KCNT2: variants seen among roughly 807,000 people sequenced by gnomAD.
KCNT2 encodes potassium channel subfamily T member 2.
Under a neutral mutation model 153.8 loss-of-function variants are expected in KCNT2, and 67 were observed. The observed-to-expected ratio is 0.44, with a 90% CI of 0.36 to 0.53. The LOEUF is 0.53. KCNT2 is among the 20% of genes least tolerant of loss of function. KCNT2 has a pLI of 0.00. For missense variants in KCNT2, 975 were observed against 1,354.8 expected (o/e 0.72, Z 4.40); for synonymous variants, 500 against 458.8 (o/e 1.09, Z -1.15).
intron 1 of KCNT2, among the ~76,000 whole-genome samples, chr1:196,583,695 GA>G (rs1662328303): frequency 6.6e-6 from 1 of 151,626 alleles, no homozygotes. Context: ...GAAGTTTCAA[GA>G]AAGAGGAGGA....
chr1:196,598,274 C>G (rs1664318223), intron 1 of KCNT2, among the ~76,000 whole-genome samples: 1 of 151,844 alleles, frequency 6.6e-6, no homozygotes, highest in African/African-American at 2.4e-5. Context: ...TTATTTTGTT[C>G]CTGGGATACT....
intron 1 of KCNT2, among the ~76,000 whole-genome samples, chr1:196,503,899 A>T (rs559669732): frequency 1.4e-4 from 21 of 152,270 alleles, no homozygotes; most frequent in African/African-American, 5.1e-4. Context: ...AGCTCACTGG[A>T]ACACATGTAT....
intron 8 of KCNT2, among the ~76,000 whole-genome samples, chr1:196,450,238 C>A (rs1271538879): frequency 4.0e-5 from 6 of 151,784 alleles, no homozygotes; most frequent in Admixed American, 3.9e-4. Flanking sequence ...CTCCCACTGC[C>A]CGGTAAAGGT....
chr1:196,234,804 T>C (rs145169201), intron 27 of KCNT2, among the ~76,000 whole-genome samples: 28 of 151,586 alleles, frequency 1.8e-4, no homozygotes, highest in African/African-American at 6.5e-4. Flanking sequence ...CTTTCTGGAT[T>C]ACAGACACAA....
intron 1 of KCNT2, among the ~76,000 whole-genome samples, chr1:196,523,086 G>A (rs561366946): frequency 4.6e-5 from 7 of 152,252 alleles, no homozygotes; most frequent in South Asian, 4.1e-4. Context: ...GTAACACTGC[G>A]AAGGCCTGCA....
chr1:196,243,383 G>T (rs1212979334), intron 26 of KCNT2, among the ~76,000 whole-genome samples: 1 of 152,108 alleles, frequency 6.6e-6, no homozygotes, highest in Non-Finnish European at 1.5e-5. Context: ...AAAAACCAAA[G>T]ATGAGGTGAG....
chr1:196,495,259 G>C (rs1458977830), intron 1 of KCNT2, among the ~76,000 whole-genome samples: 10 of 151,802 alleles, frequency 6.6e-5, no homozygotes, highest in Admixed American at 6.6e-4. Context: ...GTATAAAGTA[G>C]AGCTTTTTTT....
Position 196,467,795 on chromosome 1 carries a change from CA to C in KCNT2, c.460-10del. 2 of 1,517,120 alleles carry C rather than the reference CA, an allele frequency of 1.3e-6. No individual in the cohort carries two copies. Among genetic ancestry groups the C allele is most frequent in the South Asian group, 2.3e-5 (2 of 85,932 alleles). The allele number at this position is 1,517,120 out of a possible 1,614,324, so 94.0% of individuals were successfully genotyped here. A position where few individuals can be genotyped will look rare whatever the true frequency, so the allele number is the denominator to read the frequency against. ...AAGGAAGGCCAGAATATCTGGAAAA[CA>C]AAACAAAACAAAACTAGACTTTTAT... On this transcript the variant is annotated splice_polypyrimidine_tract_variant and intron_variant, in intron 6 of 27. Transcript: ENST00000294725.
chr1:196,520,198 A>T (rs1572708734), intron 1 of KCNT2, among the ~76,000 whole-genome samples: 2 of 152,292 alleles, frequency 1.3e-5, no homozygotes, highest in East Asian at 3.9e-4. Context: ...AGAACTAAAG[A>T]TAAAAACCAC....
chr1:196,242,749 A>G (rs1352103400), intron 26 of KCNT2, among the ~76,000 whole-genome samples: 1 of 152,158 alleles, frequency 6.6e-6, no homozygotes, highest in African/African-American at 2.4e-5. Flanking sequence ...CCCTTTTAGC[A>G]ATTTTCTTAG....
chr1:196,551,154 T>C (rs1310609119), intron 1 of KCNT2, among the ~76,000 whole-genome samples: 2 of 151,876 alleles, frequency 1.3e-5, no homozygotes, highest in Non-Finnish European at 2.9e-5. Context: ...TTGAGATTGA[T>C]GATGATTAAC....
intron 14 of KCNT2, among the ~76,000 whole-genome samples, chr1:196,352,942 C>T (rs1460464006): frequency 6.6e-6 from 1 of 152,054 alleles, no homozygotes; most frequent in Non-Finnish European, 1.5e-5. Context: ...TTTATTTCTG[C>T]CTTCATTTCT....
chr1:196,500,341 G>C (rs930402430), intron 1 of KCNT2, among the ~76,000 whole-genome samples: 1 of 149,506 alleles, frequency 6.7e-6, no homozygotes, highest in Non-Finnish European at 1.5e-5. Context: ...AAAAAGAAAC[G>C]TTCATTCAAA....
chr1:196,291,012 T>C (rs1350694345), intron 22 of KCNT2, among the ~76,000 whole-genome samples: 2 of 152,134 alleles, frequency 1.3e-5, no homozygotes, highest in African/African-American at 4.8e-5. Context: ...CAAACTGCTT[T>C]CCAGGATGAC....
intron 1 of KCNT2, among the ~76,000 whole-genome samples, chr1:196,521,872 T>TAATCTGTACAACAAACC (rs1209804971): frequency 6.6e-6 from 1 of 151,988 alleles, no homozygotes; most frequent in Non-Finnish European, 1.5e-5. Flanking sequence ...GGTGACAAAA[T>TAATCTGTACAACAAACC]AATCTGTACA....
At chr1:196,305,187 G>A (rs552835469) in intron 22 of KCNT2, 47 bp downstream of exon 22, 1 of 1,092,590 alleles carries the variant, frequency 9.2e-7, no homozygotes, top group Non-Finnish European at 1.4e-6. Context: ...GTTAATTTCT[G>A]AATAAAGATG....
intron 12 of KCNT2, among the ~76,000 whole-genome samples, chr1:196,418,057 C>T (rs1260861197): frequency 6.6e-6 from 1 of 152,106 alleles, no homozygotes; most frequent in African/African-American, 2.4e-5. Context: ...ATGTTGAGTG[C>T]TATAATTATA....
At chr1:196,234,382 C>T (rs975500159) in intron 27 of KCNT2, among the ~76,000 whole-genome samples, 1 of 150,970 alleles carries the variant, frequency 6.6e-6, no homozygotes, top group Non-Finnish European at 1.5e-5. Flanking sequence ...GTTTGAAACC[C>T]TAAAGCTGTG....
intron 1 of KCNT2, among the ~76,000 whole-genome samples, chr1:196,592,095 A>G (rs987085918): frequency 6.6e-5 from 10 of 152,146 alleles, no homozygotes; most frequent in African/African-American, 2.2e-4. Flanking sequence ...TTGTTGCGGC[A>G]CAAGATTTGG....
Sources: allele counts gnomAD v4.1 joint callset (sites outside exome capture counted in the v4.1 genomes callset), GRCh38; gene constraint gnomAD v4.1.1; transcripts MANE v1.5; gene names NCBI Gene and HGNC (gene_info 2026-07-23, HGNC 2026-07-21).